The following EIF5B variants were observed in gnomAD, a reference collection of about 807,000 sequenced individuals.
The protein encoded by EIF5B is eukaryotic translation initiation factor 5B.
EIF5B carries 47 observed loss-of-function variants against 147.5 expected under a neutral mutation model. The observed-to-expected ratio is 0.32, with a 90% CI of 0.25 to 0.41. The LOEUF is 0.41. Ranked by LOEUF, EIF5B falls within the 10% of genes least tolerant of loss-of-function variation. The probability of loss-of-function intolerance (pLI) is 1.00; values close to 1 mark genes in which losing one functional copy is unlikely to be tolerated. For synonymous variants in EIF5B, 455 were observed against 456.2 expected, an observed-to-expected ratio of 1.00 and a Z score of 0.03; for missense variants, 1,064 against 1,413.2, an observed-to-expected ratio of 0.75 and a Z score of 3.96.
chr2:99,394,459 C>T (rs770932187), intron 19 of EIF5B, 50 bp from the exon 20 acceptor site: 61 of 1,613,100 alleles, frequency 3.8e-5, no homozygotes, highest in Non-Finnish European at 4.8e-5. Flanking sequence ...TTGGTGCCAT[C>T]GCCATTACCT....
At chr2:99,377,904 C>A (rs1053558752) in intron 10 of EIF5B, among the ~76,000 whole-genome samples, 2 of 152,094 alleles carry the variant, frequency 1.3e-5, no homozygotes, top group African/African-American at 4.8e-5. Flanking sequence ...TATTCTTGTC[C>A]TGTCATTGCT....
chr2:99,371,808 T>C, intron 9 of EIF5B, 78 bp downstream of exon 9: 1 of 1,332,480 alleles, frequency 7.5e-7, no homozygotes, highest in South Asian at 1.6e-5. Flanking sequence ...TGAATAGTCT[T>C]TTGATTATGA....
At chr2:99,368,155 T>C (rs1674368399) in intron 6 of EIF5B, among the ~76,000 whole-genome samples, 1 of 152,200 alleles carries the variant, frequency 6.6e-6, no homozygotes, top group Admixed American at 6.6e-5. Flanking sequence ...GCAAATCTTT[T>C]GGTTGGAGAA....
rs1363961519 is a variant in EIF5B at position 99,338,996 on chromosome 2, A to G, written c.35+1407A>G. On this transcript the variant is annotated intron_variant, in intron 1 of 23. Coordinates refer to ENST00000289371, the MANE Select transcript of EIF5B (RefSeq NM_015904.4). ...TATATATACAAATATATACACAAAT[A>G]TATATATACATTTTTTTTTTTTTTT... Among the ~76,000 whole-genome samples, 3 of 143,778 alleles carry G rather than the reference A, an allele frequency of 2.1e-5. No individual in the cohort carries two copies. The Admixed American group carries it at 2.1e-4, about 10-fold the overall frequency. 94.3% of individuals were successfully genotyped at this position (143,778 alleles called of 152,430 possible).
chr2:99,371,759 C>T (rs1256501168), intron 9 of EIF5B, 29 bp downstream of exon 9: 2 of 1,558,776 alleles, frequency 1.3e-6, no homozygotes, highest in Admixed American at 1.9e-5. Flanking sequence ...CACACTGATA[C>T]ATCCAGTGGT....
Position 99,392,963 on chromosome 2 carries a change from G to T in EIF5B, c.2749-4G>T. The T allele has an allele frequency of 6.6e-7, 1 of 1,512,508 alleles. No individual in the cohort carries two copies. Among genetic ancestry groups the T allele is most frequent in the Non-Finnish European group, 8.8e-7 (1 of 1,130,128 alleles). The allele number at this position is 1,512,508 out of a possible 1,614,324, so 93.7% of individuals were successfully genotyped here. ...TTTGGTAACAAATGTTTTTATCTCT[G>T]TAGAACCAGTATGAAAAGCATAAAG... is the stretch of plus-strand genomic sequence containing the variant. On this transcript the variant is annotated splice_polypyrimidine_tract_variant and splice_region_variant and intron_variant, in intron 17 of 23. Coordinates refer to ENST00000289371, the MANE Select transcript of EIF5B (RefSeq NM_015904.4).
intron 12 of EIF5B, among the ~76,000 whole-genome samples, chr2:99,380,568 G>T (rs1674668127): frequency 6.6e-6 from 1 of 152,182 alleles, no homozygotes; most frequent in African/African-American, 2.4e-5. Flanking sequence ...AAACTACCCA[G>T]ACTGAGAACT....
At chr2:99,399,117 T>C in intron 23 of EIF5B, 190 bp from the exon 24 acceptor site, 3 of 779,190 alleles carry the variant, frequency 3.9e-6, no homozygotes, top group Non-Finnish European at 6.0e-6. Context: ...AGCTAGGACT[T>C]TTAGGTCCCC....
chr2:99,382,478 C>T (rs1411710019), intron 13 of EIF5B, among the ~76,000 whole-genome samples: 1 of 152,168 alleles, frequency 6.6e-6, no homozygotes, highest in Non-Finnish European at 1.5e-5. Context: ...AGGCCTATCT[C>T]CTGTAAAACC....
intron 4 of EIF5B, among the ~76,000 whole-genome samples, chr2:99,362,940 G>C (rs768445347): frequency 6.6e-6 from 1 of 151,822 alleles, no homozygotes; most frequent in African/African-American, 2.4e-5. Context: ...TGTATTTTTA[G>C]TAGAGATGGG....
intron 1 of EIF5B, among the ~76,000 whole-genome samples, chr2:99,354,425 T>C (rs1674048424): frequency 6.6e-6 from 1 of 152,226 alleles, no homozygotes; most frequent in African/African-American, 2.4e-5. Flanking sequence ...TTTGGGTATA[T>C]TCTAGTTGTT....
intron 1 of EIF5B, among the ~76,000 whole-genome samples, chr2:99,341,639 A>G (rs2094259822): frequency 6.6e-6 from 1 of 152,230 alleles, no homozygotes; most frequent in African/African-American, 2.4e-5. Context: ...ACACTCTTAA[A>G]TTCCTAAGGA....
rs1467302670 is a variant in EIF5B at position 99,400,654 on chromosome 2, A to C, written c.*1240A>C. ...GGGACATAATGTTCCCAGGAAAAAA[A>C]TCTTCAAGTGGGTGTGAGGGTGTTT... On this transcript the variant is annotated 3_prime_UTR_variant, in exon 24 of 24. Transcript: ENST00000289371. 1.3e-5 allele frequency: 2 copies of C among 152,212 alleles called. No individual in the cohort carries two copies. The highest frequency in any genetic ancestry group is 2.9e-5 in the Non-Finnish European group (2 of 68,042). 9.4% of individuals were successfully genotyped at this position (152,212 alleles called of 1,614,324 possible).
In EIF5B at chr2:99,401,097, T is replaced by G. The variant is rs1249056908; in HGVS notation, c.*1683T>G. ...ATGCAATACTGACAAATTTGGCACTTTTTGAAAAGAAATGTACAAAACACT... is the reference window on the plus strand; with the variant it reads ...ATGCAATACTGACAAATTTGGCACTGTTTGAAAAGAAATGTACAAAACACT... On this transcript the variant is annotated 3_prime_UTR_variant, in exon 24 of 24. Transcript: ENST00000289371. 9 of 500,654 alleles carry G rather than the reference T, an allele frequency of 1.8e-5. No homozygotes were observed. The highest frequency in any genetic ancestry group is 1.3e-4 in the African/African-American group (7 of 52,498). The allele number at this position is 500,654 out of a possible 1,614,324, so 31.0% of individuals were successfully genotyped here.
Position 99,394,518 on chromosome 2 carries a change from A to G in EIF5B, c.3022A>G (p.Ile1008Val). ...ACTCCCATTTTTTCAGTATGCAGGA[A>G]TTAACATTGGCCCAGTGCATAAAAA... ...LKTSEVPYAG[I>V]NIGPVHKKDV... The change falls in exon 20 of 24, where the codon ATT becomes GTT. Residue 1008 changes from isoleucine (I) to valine (V), a missense_variant. Transcript: ENST00000289371. The G allele has an allele frequency of 6.2e-7, 1 of 1,614,206 alleles. No homozygotes were observed. Among genetic ancestry groups the G allele is most frequent in the Non-Finnish European group, 8.5e-7 (1 of 1,180,030 alleles).
chr2:99,397,060 T>C, intron 22 of EIF5B, 162 bp downstream of exon 22: 1 of 740,254 alleles, frequency 1.4e-6, no homozygotes, highest in Non-Finnish European at 1.9e-6. Flanking sequence ...TTTACCTCAG[T>C]AGGAAGAAAA....
At position 99,368,491 on chromosome 2, in the gene EIF5B, A is replaced by G. The variant is rs1163362206; in HGVS notation, c.1289-2A>G. On this transcript the variant is annotated splice_acceptor_variant, in intron 6 of 23. Coordinates refer to ENST00000289371, the MANE Select transcript of EIF5B (RefSeq NM_015904.4). LOFTEE classifies it high-confidence loss of function. Reference sequence around the variant, plus strand: ...CTGAAGTTTTTCATTTTTATCCCTCAGGTGTTGAAGTGCCATCAAAAGACT... The same window carrying G: ...CTGAAGTTTTTCATTTTTATCCCTCGGGTGTTGAAGTGCCATCAAAAGACT... 6.2e-7 allele frequency: 1 copy of G among 1,611,728 alleles called. No homozygotes were observed. Among genetic ancestry groups the G allele is most frequent in the African/African-American group, 1.3e-5 (1 of 74,930 alleles).
intron 14 of EIF5B, among the ~76,000 whole-genome samples, chr2:99,385,272 C>G (rs552484980): frequency 6.6e-6 from 1 of 152,140 alleles, no homozygotes; most frequent in Non-Finnish European, 1.5e-5. Context: ...CTTGAACTTC[C>G]GAGCTCAGGT....
At chr2:99,381,753 G>A (rs1236960464) in intron 12 of EIF5B, among the ~76,000 whole-genome samples, 1 of 151,910 alleles carries the variant, frequency 6.6e-6, no homozygotes, top group Non-Finnish European at 1.5e-5. Context: ...GTACTTTTGG[G>A]ATATATTTGA....
Sources: gnomAD v4.1 joint callset for allele counts (sites outside exome capture counted in the v4.1 genomes callset) on GRCh38, gnomAD v4.1.1 for gene constraint, MANE v1.5 for transcripts, NCBI Gene and HGNC (gene_info 2026-07-23, HGNC 2026-07-21) for gene names.